Variants in PCDHA1 observed in about 807,000 individuals in gnomAD.
PCDHA1 encodes protocadherin alpha-1.
Under a neutral mutation model 61.3 loss-of-function variants are expected in PCDHA1, and 42 were observed. That is an observed-to-expected ratio of 0.69 (90% CI 0.54 to 0.89). The LOEUF (loss-of-function observed/expected upper bound fraction) is 0.89. Ranked by LOEUF, PCDHA1 falls within the 40% of genes least tolerant of loss-of-function variation. The pLI is 0.00. For synonymous variants in PCDHA1, 610 were observed against 553.8 expected (o/e 1.10, Z -1.43); for missense variants, 1,256 against 1,235.3 (o/e 1.02, Z -0.25).
At chr5:140,945,131 A>C (rs1484443084) in intron 1 of PCDHA1, among the ~76,000 whole-genome samples, 1 of 152,202 alleles carries the variant, frequency 6.6e-6, no homozygotes, top group Non-Finnish European at 1.5e-5. Context: ...CAACTTACAA[A>C]AATCAATAGC....
At chr5:140,967,815 A>G in intron 1 of PCDHA1, 1 of 1,614,180 alleles carries the variant, frequency 6.2e-7, no homozygotes. Context: ...GGTCACTGCA[A>G]GGTGCTGGTG....
chr5:140,884,499 C>T (rs782667822), intron 1 of PCDHA1: 1 of 1,614,062 alleles, frequency 6.2e-7, no homozygotes, highest in South Asian at 1.1e-5. Flanking sequence ...TGCTCCAGCG[C>T]GGCAGGGAGT....
At chr5:140,867,855 G>A (rs1340065029) in intron 1 of PCDHA1, 1 of 152,094 alleles carries the variant, frequency 6.6e-6, no homozygotes, top group South Asian at 2.1e-4. Context: ...TAGTTGAATT[G>A]TTTGATTAAT....
intron 1 of PCDHA1, chr5:140,875,748 C>T (rs2055764549): frequency 6.2e-7 from 1 of 1,614,078 alleles, no homozygotes; most frequent in South Asian, 1.1e-5. Flanking sequence ...GGATCGACCG[C>T]GAGAAGCTGT....
chr5:140,863,384 C>A (rs563178599), intron 1 of PCDHA1: 2 of 1,044,912 alleles, frequency 1.9e-6, no homozygotes, highest in South Asian at 1.2e-5. Flanking sequence ...ACCGAGAGCT[C>A]GTGCATGCCG....
In PCDHA1 at chr5:140,852,913, C is replaced by T. The variant is rs1049603873; in HGVS notation, c.2394+64229C>T. ...TTTTTTTTTGAGTCAGAGTCTCGCTCTGTTGCCCAGGCTGGAGTGCAGTGG... is the reference window on the plus strand; with the variant it reads ...TTTTTTTTTGAGTCAGAGTCTCGCTTTGTTGCCCAGGCTGGAGTGCAGTGG... On this transcript the variant is annotated intron_variant, in intron 1 of 3. Coordinates refer to ENST00000504120, the MANE Select transcript of PCDHA1 (RefSeq NM_018900.4). 2.0e-4 allele frequency: 157 copies of T among 789,674 alleles called. 4 individuals are homozygous for T. The highest frequency in any genetic ancestry group is 2.4e-4 in the Non-Finnish European group (154 of 638,000). 48.9% of individuals were successfully genotyped at this position (789,674 alleles called of 1,614,324 possible). A position where few individuals can be genotyped will look rare whatever the true frequency, so the allele number is the denominator to read the frequency against.
Position 140,787,833 on chromosome 5 carries a change from G to T in PCDHA1, c.1543G>T (p.Gly515Cys). The change falls in exon 1 of 4, where the codon GGC becomes TGC. Residue 515 changes from glycine to cysteine, a missense_variant. Transcript: ENST00000504120. The part of the protein sequence containing the change: ...SNYVSVHAES[G>C]KVYALQPLDH... ...CTACGTGTCAGTGCACGCGGAGAGC[G>T]GCAAGGTGTACGCACTGCAGCCCCT... The T allele has an allele frequency of 1.2e-6, 2 of 1,612,670 alleles. No homozygotes were observed. The highest frequency in any genetic ancestry group is 1.7e-6 in the Non-Finnish European group (2 of 1,179,780).
chr5:140,980,608 G>A (rs994415170), intron 2 of PCDHA1, among the ~76,000 whole-genome samples: 6 of 151,850 alleles, frequency 4.0e-5, no homozygotes, highest in African/African-American at 7.3e-5. Context: ...CCAGCCTGGC[G>A]ACAGTGCGAG....
intron 3 of PCDHA1, among the ~76,000 whole-genome samples, chr5:140,987,622 TAGATG>T (rs1554249376): frequency 2.6e-5 from 4 of 152,328 alleles, no homozygotes; most frequent in African/African-American, 9.6e-5. Flanking sequence ...TTGGAAGAAT[TAGATG>T]AGATAATGCA....
intron 1 of PCDHA1, among the ~76,000 whole-genome samples, chr5:140,797,727 A>G (rs933232915): frequency 1.3e-5 from 2 of 152,238 alleles, no homozygotes; most frequent in Non-Finnish European, 2.9e-5. Flanking sequence ...CGTATTTTCA[A>G]CTGACACTGT....
In PCDHA1 at chr5:140,877,150, G is replaced by T. The variant is rs370292278; in HGVS notation, c.2394+88466G>T. On this transcript the variant is annotated intron_variant, in intron 1 of 3. Coordinates refer to ENST00000504120, the MANE Select transcript of PCDHA1 (RefSeq NM_018900.4). Reference sequence around the variant, plus strand: ...GCAGGTGTTCGTGCTGGACGAGAACGACAACGCGCCGGCACTGCTGGCGAC... The same window carrying T: ...GCAGGTGTTCGTGCTGGACGAGAACTACAACGCGCCGGCACTGCTGGCGAC... 1.7e-5 allele frequency: 27 copies of T among 1,613,672 alleles called. No homozygotes were observed. Among genetic ancestry groups the T allele is most frequent in the Non-Finnish European group, 2.2e-5 (26 of 1,179,864 alleles).
In PCDHA1 at chr5:140,875,591, A is replaced by G. The variant is rs1438500941; in HGVS notation, c.2394+86907A>G. ...CACTACTCCGTCTACGAGGAGGCCAAACACGGCACCTTCGTGGGCCGCATC... is the reference window on the plus strand; with the variant it reads ...CACTACTCCGTCTACGAGGAGGCCAGACACGGCACCTTCGTGGGCCGCATC... On this transcript the variant is annotated intron_variant, in intron 1 of 3. Coordinates refer to ENST00000504120, the MANE Select transcript of PCDHA1 (RefSeq NM_018900.4). The G allele has an allele frequency of 9.3e-6, 15 of 1,613,878 alleles. No homozygotes were observed. The highest frequency in any genetic ancestry group is 1.7e-5 in the Admixed American group (1 of 60,004).
chr5:140,830,077 G>C, intron 1 of PCDHA1: 5 of 1,613,664 alleles, frequency 3.1e-6, no homozygotes, highest in Non-Finnish European at 4.2e-6. Context: ...TGACAGCGAC[G>C]GCCACGGTTC....
At chr5:140,858,209 T>A (rs1554151274) in intron 1 of PCDHA1, 1 of 1,593,850 alleles carries the variant, frequency 6.3e-7, no homozygotes, top group Admixed American at 1.7e-5. Context: ...TGCACTGAGG[T>A]GCTCGGCGGC....
At chr5:140,807,471 T>G (rs1763942238) in intron 1 of PCDHA1, 3 of 1,612,596 alleles carry the variant, frequency 1.9e-6, no homozygotes, top group Non-Finnish European at 2.5e-6. Context: ...CGGGAGGAGC[T>G]GTGCCGGCGG....
At chr5:140,973,753 G>A (rs935956688) in intron 1 of PCDHA1, among the ~76,000 whole-genome samples, 1 of 152,244 alleles carries the variant, frequency 6.6e-6, no homozygotes, top group Non-Finnish European at 1.5e-5. Flanking sequence ...ACACTCTGCA[G>A]GGACACAGCC....
intron 1 of PCDHA1, among the ~76,000 whole-genome samples, chr5:140,821,088 C>G (rs2150108660): frequency 6.6e-6 from 1 of 151,814 alleles, no homozygotes; most frequent in South Asian, 2.1e-4. Context: ...TTGAAAATAA[C>G]ATCAACAAAA....
chr5:140,806,509 A>C (rs1287650041), intron 1 of PCDHA1, among the ~76,000 whole-genome samples: 1 of 152,184 alleles, frequency 6.6e-6, no homozygotes, highest in Non-Finnish European at 1.5e-5. Flanking sequence ...GAAGACATCT[A>C]ATTAAATGCT....
At chr5:140,794,990 G>T (rs1452561536) in intron 1 of PCDHA1, 1 of 1,613,214 alleles carries the variant, frequency 6.2e-7, no homozygotes, top group East Asian at 2.2e-5. Context: ...AGAAGGGGCC[G>T]AGGGGCCTGG....
Sources: gnomAD v4.1 joint callset for allele counts (sites outside exome capture counted in the v4.1 genomes callset) on GRCh38, gnomAD v4.1.1 for gene constraint, MANE v1.5 for transcripts, NCBI Gene and HGNC (gene_info 2026-07-23, HGNC 2026-07-21) for gene names.